Variants in DHX15 observed in about 807,000 individuals in gnomAD.
DHX15 encodes the protein DEAH-box helicase 15.
In DHX15, 11 loss-of-function variants were observed where a neutral mutation model predicts 94.4. The ratio of observed to expected loss-of-function variants is 0.12; its 90% CI spans 0.07 to 0.19. The LOEUF is 0.19. DHX15 is among the 10% of genes least tolerant of loss of function. The pLI is 1.00. For missense variants in DHX15, 304 were observed against 988.5 expected, an observed-to-expected ratio of 0.31 and a Z score of 9.29; for synonymous variants, 338 against 329.9, an observed-to-expected ratio of 1.02 and a Z score of -0.27.
At chr4:24,575,614 T>C (rs927224527) in intron 2 of DHX15, among the ~76,000 whole-genome samples, 1 of 152,182 alleles carries the variant, frequency 6.6e-6, no homozygotes, top group Non-Finnish European at 1.5e-5. Flanking sequence ...GCTTTCTGTA[T>C]CACAATTACA....
At chr4:24,539,693 A>G (rs1028443036) in intron 10 of DHX15, 2 of 152,844 alleles carry the variant, frequency 1.3e-5, no homozygotes, top group African/African-American at 4.8e-5. Flanking sequence ...GAAAAGGCTC[A>G]ACTTAATGTA....
intron 2 of DHX15, among the ~76,000 whole-genome samples, chr4:24,575,050 G>C (rs1722224324): frequency 6.6e-6 from 1 of 151,878 alleles, no homozygotes; most frequent in Non-Finnish European, 1.5e-5. Flanking sequence ...CCAGCTACTT[G>C]GGAGGCTGAG....
At chr4:24,569,101 T>C (rs1320618520) in intron 3 of DHX15, among the ~76,000 whole-genome samples, 1 of 152,194 alleles carries the variant, frequency 6.6e-6, no homozygotes, top group Admixed American at 6.5e-5. Flanking sequence ...ATCCAATAAA[T>C]TGTTTTAAGT....
At chr4:24,579,976 G>A (rs1294827182) in intron 1 of DHX15, among the ~76,000 whole-genome samples, 1 of 152,206 alleles carries the variant, frequency 6.6e-6, no homozygotes, top group Non-Finnish European at 1.5e-5. Flanking sequence ...ATGTTGGCCA[G>A]GATGGTTTCA....
chr4:24,558,359 A>G (rs1721787592), intron 3 of DHX15, among the ~76,000 whole-genome samples: 1 of 152,142 alleles, frequency 6.6e-6, no homozygotes, highest in African/African-American at 2.4e-5. Flanking sequence ...AAACTTCTTA[A>G]AACTAGTTTT....
intron 5 of DHX15, among the ~76,000 whole-genome samples, chr4:24,551,343 A>C (rs7670492): frequency 0.23 from 34,785 of 152,108 alleles, 5,115 homozygotes; most frequent in Non-Finnish European, 0.33. Flanking sequence ...CTAAACGGTG[A>C]GGAAGAATTT....
intron 2 of DHX15, among the ~76,000 whole-genome samples, chr4:24,573,379 T>C (rs1722168865): frequency 6.6e-6 from 1 of 152,198 alleles, no homozygotes; most frequent in Non-Finnish European, 1.5e-5. Context: ...TCAATGCCAA[T>C]CCTAACTCCA....
intron 5 of DHX15, among the ~76,000 whole-genome samples, chr4:24,552,759 ATAACT>A (rs1318813961): frequency 1.3e-5 from 2 of 152,242 alleles, no homozygotes; most frequent in African/African-American, 2.4e-5. Context: ...GAATCTAAAG[ATAACT>A]TAAAGAAGCA....
intron 3 of DHX15, among the ~76,000 whole-genome samples, chr4:24,562,131 CAAA>C (rs71196191): frequency 6.4e-5 from 5 of 77,822 alleles, no homozygotes; most frequent in Non-Finnish European, 9.5e-5. Flanking sequence ...GACACTGTCT[CAAA>C]AAAAAAAAAA....
chr4:24,558,796 C>T (rs751650413), intron 3 of DHX15, among the ~76,000 whole-genome samples: 6 of 152,054 alleles, frequency 3.9e-5, no homozygotes, highest in Non-Finnish European at 8.8e-5. Context: ...TACTTCTTTT[C>T]CAGTGAAGAA....
intron 5 of DHX15, among the ~76,000 whole-genome samples, chr4:24,551,953 G>A (rs1462213607): frequency 6.6e-6 from 1 of 152,144 alleles, no homozygotes; most frequent in African/African-American, 2.4e-5. Flanking sequence ...AGTATGCAAG[G>A]AGCTAAAACA....
intron 4 of DHX15, among the ~76,000 whole-genome samples, chr4:24,556,005 A>G (rs1721731091): frequency 6.6e-6 from 1 of 152,176 alleles, no homozygotes; most frequent in South Asian, 2.1e-4. Flanking sequence ...ATATGTTATT[A>G]GATTATAAAA....
chr4:24,565,146 G>A (rs1312601588), intron 3 of DHX15, among the ~76,000 whole-genome samples: 2 of 152,206 alleles, frequency 1.3e-5, no homozygotes, highest in South Asian at 2.1e-4. Context: ...GAATGTGTAG[G>A]GTGTAGGTTC....
intron 5 of DHX15, among the ~76,000 whole-genome samples, chr4:24,549,869 G>A (rs1335160154): frequency 6.6e-6 from 1 of 151,868 alleles, no homozygotes; most frequent in Non-Finnish European, 1.5e-5. Flanking sequence ...CGAGGTGGGC[G>A]GATCACCTGA....
intron 13 of DHX15, among the ~76,000 whole-genome samples, chr4:24,529,136 G>A (rs1367952025): frequency 1.3e-5 from 2 of 152,098 alleles, no homozygotes; most frequent in Non-Finnish European, 2.9e-5. Flanking sequence ...CAATCCTCCT[G>A]CCCAGCTTCC....
intron 13 of DHX15, among the ~76,000 whole-genome samples, chr4:24,529,213 T>C (rs1406332092): frequency 6.6e-6 from 1 of 152,006 alleles, no homozygotes; most frequent in Non-Finnish European, 1.5e-5. Context: ...CACCTATATA[T>C]CTTTTAGTAG....
intron 2 of DHX15, among the ~76,000 whole-genome samples, chr4:24,572,201 C>T (rs1722137529): frequency 6.6e-6 from 1 of 152,190 alleles, no homozygotes; most frequent in Admixed American, 6.5e-5. Flanking sequence ...AGTGCAGTGG[C>T]ATAATCTTGG....
intron 7 of DHX15, 61 bp downstream of exon 7, chr4:24,542,879 G>T: frequency 8.4e-7 from 1 of 1,196,918 alleles, no homozygotes; most frequent in Non-Finnish European, 1.2e-6. Flanking sequence ...GCCATTAAAT[G>T]AATTGGTTGT....
chr4:24,541,864 AC>A lies in DHX15; in HGVS notation c.1485+8del. Reference sequence around the variant, plus strand: ...AAACATATCGGCAGGAAACGACAATACCCCATACCTGCATTTCTGTTTTATA... The same window carrying A: ...AAACATATCGGCAGGAAACGACAATACCCATACCTGCATTTCTGTTTTATA... On this transcript the variant is annotated splice_region_variant and intron_variant, in intron 8 of 13. Transcript: ENST00000336812. 2 of 1,555,018 alleles carry A rather than the reference AC, an allele frequency of 1.3e-6. No homozygotes were observed. Among genetic ancestry groups the A allele is most frequent in the African/African-American group, 2.7e-5 (2 of 73,000 alleles).
Sources: gnomAD v4.1 joint callset for allele counts (sites outside exome capture counted in the v4.1 genomes callset) on GRCh38, gnomAD v4.1.1 for gene constraint, MANE v1.5 for transcripts, NCBI Gene and HGNC (gene_info 2026-07-23, HGNC 2026-07-21) for gene names.